The following DAG1 variants were observed in gnomAD, a reference collection of about 807,000 sequenced individuals.
DAG1 encodes the protein dystroglycan 1 (dystrophin-associated glycoprotein 1).
A neutral mutation model predicts 46.1 loss-of-function variants in DAG1; 8 were observed. The ratio of observed to expected loss-of-function variants is 0.17; its 90% CI spans 0.10 to 0.31. DAG1 has a LOEUF of 0.31. Ranked by LOEUF, DAG1 falls within the 10% of genes least tolerant of loss-of-function variation. DAG1 has a pLI of 1.00. For synonymous variants in DAG1, 495 were observed against 481.8 expected (o/e 1.03, Z -0.36); for missense variants, 1,003 against 1,189.9 (o/e 0.84, Z 2.31).
At position 49,510,435 on chromosome 3, in the gene DAG1, G is replaced by A; in HGVS notation, c.-100G>A. The A allele has an allele frequency of 8.7e-7, 1 of 1,145,708 alleles. No individual in the cohort carries two copies. The highest frequency in any genetic ancestry group is 2.3e-5 in the East Asian group (1 of 42,862). 71.0% of individuals were successfully genotyped at this position (1,145,708 alleles called of 1,614,324 possible). A position where few individuals can be genotyped will look rare whatever the true frequency, so the allele number is the denominator to read the frequency against. On this transcript the variant is annotated 5_prime_UTR_variant, in exon 2 of 3. Coordinates refer to ENST00000308775, the MANE Select transcript of DAG1 (RefSeq NM_004393.6). The stretch of plus-strand genomic sequence containing the variant: ...TTTTTTCAGGCTCTGTGTGCTCCGG[G>A]ATGGAGCAGGTGTGCAGAGGGTGAG...
At chr3:49,471,368 A>T (rs1256702610) in intron 1 of DAG1, among the ~76,000 whole-genome samples, 1 of 152,214 alleles carries the variant, frequency 6.6e-6, no homozygotes, top group Admixed American at 6.5e-5. Context: ...GTGTTTTGCA[A>T]AGTCTGGTGT....
intron 1 of DAG1, among the ~76,000 whole-genome samples, chr3:49,494,762 G>A (rs2050268953): frequency 6.7e-6 from 1 of 150,006 alleles, no homozygotes; most frequent in South Asian, 2.2e-4. Flanking sequence ...AGCTTCCCGA[G>A]TAGCTGGGAC....
At chr3:49,505,057 G>A (rs1452302380) in intron 1 of DAG1, among the ~76,000 whole-genome samples, 1 of 150,868 alleles carries the variant, frequency 6.6e-6, no homozygotes, top group Admixed American at 6.6e-5. Flanking sequence ...GTGCAGTGGT[G>A]TGAATGTGGC....
At chr3:49,498,491 T>G (rs951865202) in intron 1 of DAG1, among the ~76,000 whole-genome samples, 1 of 152,130 alleles carries the variant, frequency 6.6e-6, no homozygotes, top group African/African-American at 2.4e-5. Context: ...GCCATGATAT[T>G]GAGCAGTTTT....
rs570814683 is a variant in DAG1 at position 49,514,863 on chromosome 3, A to G, written c.285+4044A>G. Among the ~76,000 whole-genome samples the G allele has an allele frequency of 2.7e-5, 4 of 150,766 alleles. 1 individual carries two copies. The highest frequency in any genetic ancestry group is 9.8e-5 in the African/African-American group (4 of 40,910). On this transcript the variant is annotated intron_variant, in intron 2 of 2. Transcript: ENST00000308775. ...CACATACATAGACACACACACACAT[A>G]TATATATATTTTTTGAGATGGAATC...
At chr3:49,505,467 A>G (rs1466875040) in intron 1 of DAG1, among the ~76,000 whole-genome samples, 2 of 152,070 alleles carry the variant, frequency 1.3e-5, no homozygotes, top group Non-Finnish European at 2.9e-5. Context: ...TGTATTTTTA[A>G]TTTTGGTGTC....
chr3:49,490,743 A>AT (rs1022878951), intron 1 of DAG1, among the ~76,000 whole-genome samples: 18 of 150,624 alleles, frequency 1.2e-4, no homozygotes, highest in South Asian at 2.1e-4. Flanking sequence ...CTAATTTTGT[A>AT]TTTTTTTGTA....
intron 2 of DAG1, among the ~76,000 whole-genome samples, chr3:49,525,723 TA>T (rs1401716063): frequency 2.0e-5 from 3 of 151,426 alleles, no homozygotes; most frequent in Non-Finnish European, 4.4e-5. Flanking sequence ...CTCGCCCCGC[TA>T]ATTTTTTTTA....
chr3:49,483,774 A>G (rs1233445677), intron 1 of DAG1, among the ~76,000 whole-genome samples: 1 of 152,150 alleles, frequency 6.6e-6, no homozygotes, highest in Non-Finnish European at 1.5e-5. Context: ...TCCTAGGGTC[A>G]AGCAATCCTC....
intron 1 of DAG1, among the ~76,000 whole-genome samples, chr3:49,500,852 A>G (rs1384187646): frequency 6.6e-6 from 1 of 152,166 alleles, no homozygotes; most frequent in Non-Finnish European, 1.5e-5. Flanking sequence ...TCTCTGAACC[A>G]CGAGGAGGAG....
At chr3:49,500,623 C>G (rs1479244960) in intron 1 of DAG1, among the ~76,000 whole-genome samples, 1 of 152,180 alleles carries the variant, frequency 6.6e-6, no homozygotes, top group East Asian at 1.9e-4. Flanking sequence ...AAGACATGTT[C>G]TTGGGCTGCC....
chr3:49,510,394 A>G, intron 1 of DAG1, 25 bp from the exon 2 acceptor site: 1 of 854,284 alleles, frequency 1.2e-6, no homozygotes, highest in Non-Finnish European at 1.9e-6. Flanking sequence ...GCTCAAGTCT[A>G]AACCTGCTTT....
chr3:49,510,963 G>A, intron 2 of DAG1, 144 bp downstream of exon 2: 1 of 1,518,256 alleles, frequency 6.6e-7, no homozygotes, highest in Non-Finnish European at 8.8e-7. Flanking sequence ...AGCCACTGAT[G>A]TTCATAAGAG....
chr3:49,487,692 C>CTTTTTTTTT (rs10686005), intron 1 of DAG1, among the ~76,000 whole-genome samples: 46 of 105,714 alleles, frequency 4.4e-4, no homozygotes, highest in Non-Finnish European at 5.1e-4. Context: ...CCCATACATT[C>CTTTTTTTTT]TTTTTTTTTT....
At position 49,531,785 on chromosome 3, in the gene DAG1, A is replaced by G; in HGVS notation, c.1274A>G (p.Lys425Arg). Residue 425 changes from lysine (K) to arginine (R), a missense_variant, in exon 3 of 3, where the codon AAG (lysine) becomes AGG (arginine). Lys to Arg is a conservative substitution (Grantham distance 26, BLOSUM62 2). Transcript: ENST00000308775. This position sits in a 1 kb window ranked among gnomAD's most constrained non-coding sequence, Gnocchi z 7.0. ...AVATPPTTTT[K>R]KPRVSTPKPA... ...GCTACCCCTCCCACAACCACCACCAAGAAGCCACGAGTATCCACACCAAAA... is the reference window on the plus strand; with the variant it reads ...GCTACCCCTCCCACAACCACCACCAGGAAGCCACGAGTATCCACACCAAAA... 18 of 1,613,762 alleles carry G rather than the reference A, an allele frequency of 1.1e-5. No individual in the cohort carries two copies. Among genetic ancestry groups the G allele is most frequent in the Non-Finnish European group, 1.3e-5 (15 of 1,179,926 alleles).
Position 49,532,093 on chromosome 3 carries a change from G to A in DAG1, c.1582G>A (p.Asp528Asn). The A allele has an allele frequency of 1.9e-6, 3 of 1,614,182 alleles. No homozygotes were observed. The highest frequency in any genetic ancestry group is 2.5e-6 in the Non-Finnish European group (3 of 1,180,036). Residue 528 changes from aspartate to asparagine, a missense_variant, in exon 3 of 3, where the codon GAC (aspartate) becomes AAC (asparagine). Physicochemically the swap from Asp to Asn is conservative, Grantham distance 23 (BLOSUM62 1). Around this residue, in one of 3 missense-constraint regions of DAG1, gnomAD observed 755 missense variants for 854.1 expected, o/e 0.88. Transcript: ENST00000308775. The surrounding 1 kb of genome is among the most constrained non-coding windows in gnomAD (Gnocchi z 5.4). The part of the protein sequence containing the change: ...IPSDTFYDHE[D>N]TTTDKLKLTL... Reference sequence around the variant, plus strand: ...GTCAGACACTTTCTATGACCATGAGGACACCACCACTGACAAGCTGAAGCT... The same window carrying A: ...GTCAGACACTTTCTATGACCATGAGAACACCACCACTGACAAGCTGAAGCT...
intron 2 of DAG1, among the ~76,000 whole-genome samples, chr3:49,524,241 A>G (rs919551458): frequency 2.0e-5 from 3 of 152,208 alleles, no homozygotes; most frequent in African/African-American, 7.2e-5. Context: ...GGACACTGCC[A>G]AACCTTCAGG....
At chr3:49,478,266 T>G (rs565339528) in intron 1 of DAG1, among the ~76,000 whole-genome samples, 17 of 124,328 alleles carry the variant, frequency 1.4e-4, no homozygotes, top group African/African-American at 4.7e-4. Context: ...GGAGTGAGAC[T>G]CTGTCTCAAA....
chr3:49,472,616 G>C (rs1345975397), intron 1 of DAG1, among the ~76,000 whole-genome samples: 1 of 152,018 alleles, frequency 6.6e-6, no homozygotes, highest in Non-Finnish European at 1.5e-5. Flanking sequence ...GATCATCCTG[G>C]CTAACACGGT....
Sources: allele counts gnomAD v4.1 joint callset (sites outside exome capture counted in the v4.1 genomes callset), GRCh38; gene constraint gnomAD v4.1.1; regional missense constraint gnomAD v4.1.1; non-coding constraint Gnocchi (gnomAD v3.1); transcripts MANE v1.5; gene names NCBI Gene and HGNC (gene_info 2026-07-23, HGNC 2026-07-21).